USH2A: variants seen among roughly 807,000 people sequenced by gnomAD.
USH2A encodes Usher syndrome 2A (autosomal recessive, mild).
USH2A carries 443 observed loss-of-function variants against 538.9 expected under a neutral mutation model. The observed-to-expected ratio is 0.82, with a 90% CI of 0.76 to 0.89. The LOEUF is 0.89. Ranked by LOEUF, USH2A falls within the 40% of genes least tolerant of loss-of-function variation. The probability of loss-of-function intolerance (pLI) is 0.00; values close to 1 mark genes in which losing one functional copy is unlikely to be tolerated. For missense variants in USH2A, 6,633 were observed against 6,324.8 expected (o/e 1.05, Z -1.65); for synonymous variants, 2,413 against 2,273.5 (o/e 1.06, Z -1.75).
chr1:216,114,808 G>A (rs1221674245), intron 21 of USH2A, among the ~76,000 whole-genome samples: 1 of 151,928 alleles, frequency 6.6e-6, no homozygotes, highest in East Asian at 1.9e-4. Flanking sequence ...AACAACTCAG[G>A]GCTTCCCTTG....
chr1:216,168,581 C>T (rs2034215183), intron 21 of USH2A, among the ~76,000 whole-genome samples: 1 of 152,070 alleles, frequency 6.6e-6, no homozygotes, highest in African/African-American at 2.4e-5. Context: ...TAAATAGACC[C>T]CCTTCTTGCC....
intron 37 of USH2A, among the ~76,000 whole-genome samples, chr1:215,963,920 AGTG>A (rs2102452672): frequency 6.6e-6 from 1 of 152,266 alleles, no homozygotes; most frequent in South Asian, 2.1e-4. Context: ...TAAACTTCTC[AGTG>A]GAAAGAACTG....
intron 41 of USH2A, 118 bp downstream of exon 41, chr1:215,888,308 G>A: frequency 1.3e-6 from 2 of 1,507,960 alleles, no homozygotes; most frequent in Non-Finnish European, 1.8e-6. Context: ...AGTTTCTCCA[G>A]TGAATGCCTA....
chr1:216,005,280 T>C (rs190144072), intron 32 of USH2A, among the ~76,000 whole-genome samples: 177 of 152,274 alleles, frequency 1.2e-3, no homozygotes, highest in South Asian at 3.1e-3. Flanking sequence ...GTGGTCTTTC[T>C]TGATAATTGA....
intron 13 of USH2A, among the ~76,000 whole-genome samples, chr1:216,233,183 A>G (rs1289723570): frequency 6.6e-6 from 1 of 152,130 alleles, no homozygotes; most frequent in Non-Finnish European, 1.5e-5. Flanking sequence ...GGTCCCAGCT[A>G]CGTCTCTAGC....
At chr1:216,239,151 AT>A (rs1297864321) in intron 13 of USH2A, among the ~76,000 whole-genome samples, 5 of 152,126 alleles carry the variant, frequency 3.3e-5, no homozygotes, top group East Asian at 1.9e-4. Flanking sequence ...AACAAAAAAA[AT>A]AAAAAATAAA....
chr1:215,703,362 T>A (rs1376363846), intron 61 of USH2A, among the ~76,000 whole-genome samples: 1 of 152,190 alleles, frequency 6.6e-6, no homozygotes, highest in Non-Finnish European at 1.5e-5. Flanking sequence ...TCTGCTGCTC[T>A]CTTCAGAGCC....
At chr1:216,421,763 C>T (rs1445932513) in intron 2 of USH2A, 89 bp downstream of exon 2, 2 of 1,592,224 alleles carry the variant, frequency 1.3e-6, no homozygotes, top group Non-Finnish European at 1.7e-6. Flanking sequence ...ATATAGCCTT[C>T]ACTTCCGGTT....
chr1:216,041,366 G>A (rs2030265547), intron 32 of USH2A, among the ~76,000 whole-genome samples: 1 of 151,904 alleles, frequency 6.6e-6, no homozygotes, highest in South Asian at 2.1e-4. Flanking sequence ...GACTTTTAAT[G>A]CTTCATATTT....
intron 3 of USH2A, among the ~76,000 whole-genome samples, chr1:216,410,789 T>C (rs960403741): frequency 6.6e-6 from 1 of 152,126 alleles, no homozygotes; most frequent in East Asian, 1.9e-4. Flanking sequence ...TCATATTACA[T>C]ATTCCTTCAT....
intron 32 of USH2A, among the ~76,000 whole-genome samples, chr1:216,028,331 G>A (rs1395233248): frequency 1.3e-5 from 2 of 151,962 alleles, no homozygotes; most frequent in African/African-American, 4.8e-5. Context: ...GGGTTGCAGT[G>A]AGCCAAAATC....
At chr1:216,103,658 A>T (rs1461934942) in intron 21 of USH2A, among the ~76,000 whole-genome samples, 1 of 152,216 alleles carries the variant, frequency 6.6e-6, no homozygotes, top group Non-Finnish European at 1.5e-5. Context: ...CAGAAATTTA[A>T]ATTCTTACAA....
chr1:215,981,875 C>T (rs1220732543), intron 35 of USH2A, among the ~76,000 whole-genome samples: 2 of 152,100 alleles, frequency 1.3e-5, no homozygotes, highest in East Asian at 3.9e-4. Flanking sequence ...AATGAGGGAG[C>T]ACTATGCTAT....
At position 215,998,873 on chromosome 1, in the gene USH2A, G is replaced by A. The variant is rs1236050085; in HGVS notation, c.6657+14C>T. On this transcript the variant is annotated intron_variant, in intron 34 of 71. Transcript: ENST00000307340. ...AAGGAATGGGGACAGAGAAAGTGATGGAAATAAACTTACTCCCAGCTTGAT... is the reference window on the plus strand; with the variant it reads ...AAGGAATGGGGACAGAGAAAGTGATAGAAATAAACTTACTCCCAGCTTGAT... 1.9e-5 allele frequency: 30 copies of A among 1,610,838 alleles called. No individual in the cohort carries two copies. Among genetic ancestry groups the A allele is most frequent in the Non-Finnish European group, 2.4e-5 (28 of 1,177,850 alleles).
intron 37 of USH2A, among the ~76,000 whole-genome samples, chr1:215,964,384 T>G (rs6686550): frequency 0.19 from 28,678 of 152,110 alleles, 2,979 homozygotes; most frequent in African/African-American, 0.28. Context: ...TGCTTGCCAG[T>G]GCAGTACACA....
chr1:215,661,695 T>C (rs1341871952), intron 64 of USH2A, among the ~76,000 whole-genome samples: 2 of 152,182 alleles, frequency 1.3e-5, no homozygotes, highest in African/African-American at 2.4e-5. Context: ...GGATTTCTTT[T>C]TGTAAGACTG....
chr1:215,958,517 T>G (rs1558182259), intron 37 of USH2A, among the ~76,000 whole-genome samples: 1 of 152,158 alleles, frequency 6.6e-6, no homozygotes, highest in Non-Finnish European at 1.5e-5. Context: ...GAGCAAACAC[T>G]TGATACCAAT....
intron 11 of USH2A, among the ~76,000 whole-genome samples, chr1:216,288,398 T>A (rs2036930907): frequency 6.6e-6 from 1 of 152,120 alleles, no homozygotes; most frequent in South Asian, 2.1e-4. Flanking sequence ...ATCCATATTT[T>A]GTCTTGGTTT....
intron 34 of USH2A, among the ~76,000 whole-genome samples, chr1:215,995,134 A>T (rs1359875556): frequency 1.3e-5 from 2 of 152,172 alleles, no homozygotes; most frequent in Non-Finnish European, 2.9e-5. Flanking sequence ...ATTCTATACT[A>T]TACAACATAT....
Sources: gnomAD v4.1 joint callset for allele counts (sites outside exome capture counted in the v4.1 genomes callset) on GRCh38, gnomAD v4.1.1 for gene constraint, MANE v1.5 for transcripts, NCBI Gene and HGNC (gene_info 2026-07-23, HGNC 2026-07-21) for gene names.